SYNPR: variants seen among roughly 807,000 people sequenced by gnomAD.
SYNPR encodes the protein synaptoporin.
In SYNPR, 23 loss-of-function variants were observed where a neutral mutation model predicts 32.9. That is an observed-to-expected ratio of 0.70 (90% CI 0.50 to 0.99). The LOEUF is 0.99. Ranked by LOEUF, SYNPR falls within the 50% of genes least tolerant of loss-of-function variation. SYNPR has a pLI of 0.00. For synonymous variants in SYNPR, 146 were observed against 135.9 expected, an observed-to-expected ratio of 1.07 and a Z score of -0.52; for missense variants, 318 against 349.3, an observed-to-expected ratio of 0.91 and a Z score of 0.71.
chr3:63,375,177 T>C (rs958594359), intron 2 of SYNPR, among the ~76,000 whole-genome samples: 6 of 152,142 alleles, frequency 3.9e-5, no homozygotes, highest in Non-Finnish European at 7.4e-5. Context: ...TCCTCAAGGA[T>C]CTAGAACTAG....
chr3:63,265,589 C>A (rs1485123770), intron 2 of SYNPR, among the ~76,000 whole-genome samples: 2 of 152,094 alleles, frequency 1.3e-5, no homozygotes, highest in African/African-American at 4.8e-5. Context: ...TACCTTTTAA[C>A]AAAAGATATA....
chr3:63,480,555 C>T (rs778310779), intron 2 of SYNPR, among the ~76,000 whole-genome samples: 6 of 152,154 alleles, frequency 3.9e-5, no homozygotes, highest in South Asian at 4.1e-4. Flanking sequence ...CTCTGAGACA[C>T]GACAGCTCTT....
At chr3:63,507,043 T>A (rs542611230) in intron 3 of SYNPR, among the ~76,000 whole-genome samples, 1 of 151,802 alleles carries the variant, frequency 6.6e-6, no homozygotes, top group Non-Finnish European at 1.5e-5. Context: ...TCAGAAATGA[T>A]GGCCGAGGTG....
At chr3:63,303,921 C>T (rs2086881972) in intron 2 of SYNPR, among the ~76,000 whole-genome samples, 1 of 151,968 alleles carries the variant, frequency 6.6e-6, no homozygotes, top group African/African-American at 2.4e-5. Flanking sequence ...TAATGAAACC[C>T]TCCAAGTGGA....
intron 1 of SYNPR, chr3:63,252,495 T>C (rs1036931952): frequency 6.6e-6 from 1 of 152,194 alleles, no homozygotes; most frequent in African/African-American, 2.4e-5. Flanking sequence ...TTTTCTTTTT[T>C]CAGTTACAAA....
chr3:63,287,902 T>C (rs528030711), intron 2 of SYNPR, among the ~76,000 whole-genome samples: 20 of 152,222 alleles, frequency 1.3e-4, no homozygotes, highest in African/African-American at 4.3e-4. Context: ...GAAATAAAAG[T>C]TCAAGGACTG....
At chr3:63,234,256 T>C (rs6783259) in intron 1 of SYNPR, among the ~76,000 whole-genome samples, 86,296 of 151,978 alleles carry the variant, frequency 0.57, 24,720 homozygotes, top group Middle Eastern at 0.67. Context: ...ATGAGACTTA[T>C]TCTATCACAA....
At chr3:63,507,464 G>C (rs1036205772) in intron 3 of SYNPR, among the ~76,000 whole-genome samples, 1 of 152,114 alleles carries the variant, frequency 6.6e-6, no homozygotes, top group Admixed American at 6.5e-5. Context: ...GAGAAGTAAC[G>C]TGTAAGTAAC....
chr3:63,571,849 C>G (rs966004847), intron 4 of SYNPR, among the ~76,000 whole-genome samples: 1 of 152,130 alleles, frequency 6.6e-6, no homozygotes, highest in Non-Finnish European at 1.5e-5. Flanking sequence ...GATCTATGAT[C>G]CTAGGACAAT....
the SYNPR span, among the ~76,000 whole-genome samples, chr3:63,203,877 T>C: frequency 2.0e-5 from 3 of 152,224 alleles, no homozygotes; most frequent in African/African-American, 7.2e-5. Flanking sequence ...TGGATGCCTG[T>C]AATCCCAGCT....
intron 3 of SYNPR, among the ~76,000 whole-genome samples, chr3:63,485,280 T>C (rs553249710): frequency 1.2e-4 from 19 of 152,198 alleles, no homozygotes; most frequent in Admixed American, 7.2e-4. Context: ...GAAAAGAAGT[T>C]GGATGACCCA....
At chr3:63,610,553 G>C (rs950659824) in intron 5 of SYNPR, 2 of 694,230 alleles carry the variant, frequency 2.9e-6, no homozygotes, top group African/African-American at 1.8e-5. Flanking sequence ...TTTCTGCTTT[G>C]GTGAGATAGT....
rs966864401 is a variant in SYNPR at position 63,354,209 on chromosome 3, A to G, written c.84+75467A>G. ...AACATCAAAACAATGATCATTTGCT[A>G]TTGCTTGCATAAATAAGGGGCAACT... On this transcript the variant is annotated intron_variant, in intron 2 of 5. Transcript: ENST00000478300. 5.9e-5 allele frequency among the ~76,000 whole-genome samples: 9 copies of G among 152,312 alleles called. No individual in the cohort carries two copies. In the East Asian group the frequency reaches 1.5e-3, roughly 26 times the overall value.
chr3:63,612,125 G>A (rs1360415581), intron 5 of SYNPR, among the ~76,000 whole-genome samples: 1 of 152,144 alleles, frequency 6.6e-6, no homozygotes, highest in Non-Finnish European at 1.5e-5. Context: ...AATACTGGGA[G>A]CTAAGGTAAA....
intron 2 of SYNPR, among the ~76,000 whole-genome samples, chr3:63,458,453 G>A (rs1700523346): frequency 6.6e-6 from 1 of 152,088 alleles, no homozygotes; most frequent in African/African-American, 2.4e-5. Context: ...GCTATGTATT[G>A]ATTAGAAAAA....
At chr3:63,433,710 G>T (rs997429374) in intron 2 of SYNPR, among the ~76,000 whole-genome samples, 1 of 152,070 alleles carries the variant, frequency 6.6e-6, no homozygotes, top group African/African-American at 2.4e-5. Context: ...CCGAGGGTTC[G>T]GGAAGGTGTA....
chr3:63,245,702 AGAGAGAGAGTGT>A (rs1273934378), intron 1 of SYNPR, among the ~76,000 whole-genome samples: 1,019 of 79,126 alleles, frequency 0.013, 5 homozygotes, highest in African/African-American at 0.033. Context: ...AGAGAGAGAG[AGAGAGAGAGTGT>A]GTGTGTGTGT....
chr3:63,464,779 G>T (rs1391037525), intron 2 of SYNPR, among the ~76,000 whole-genome samples: 1 of 151,816 alleles, frequency 6.6e-6, no homozygotes, highest in Non-Finnish European at 1.5e-5. Flanking sequence ...ATTGTCTTTG[G>T]TTCCCATCAA....
At chr3:63,518,039 A>G (rs1701833028) in intron 3 of SYNPR, among the ~76,000 whole-genome samples, 1 of 152,202 alleles carries the variant, frequency 6.6e-6, no homozygotes. Flanking sequence ...TGACTTCACA[A>G]GTACAGCAGT....
Sources: allele counts gnomAD v4.1 joint callset (sites outside exome capture counted in the v4.1 genomes callset), GRCh38; gene constraint gnomAD v4.1.1; transcripts MANE v1.5; gene names NCBI Gene and HGNC (gene_info 2026-07-23, HGNC 2026-07-21).